Variants in PRKG1 observed in about 807,000 individuals in gnomAD.
PRKG1 encodes the protein protein kinase cGMP-dependent 1, also known as cGMP-dependent protein kinase 1.
PRKG1 carries 35 observed loss-of-function variants against 88.1 expected under a neutral mutation model. That is an observed-to-expected ratio of 0.40 (90% CI 0.30 to 0.53). The LOEUF (loss-of-function observed/expected upper bound fraction) is 0.53, where lower values mean the gene tolerates loss of function less well. Ranked by LOEUF, PRKG1 falls within the 20% of genes least tolerant of loss-of-function variation. The pLI, the probability that PRKG1 is intolerant of heterozygous loss-of-function variation, is 0.59. For synonymous variants in PRKG1, 303 were observed against 292.5 expected (o/e 1.04, Z -0.37); for missense variants, 540 against 839.8 (o/e 0.64, Z 4.41).
chr10:51,624,967 A>T (rs1172667047), intron 3 of PRKG1, among the ~76,000 whole-genome samples: 2 of 152,196 alleles, frequency 1.3e-5, no homozygotes, highest in Non-Finnish European at 2.9e-5. Flanking sequence ...AGAAGATAAG[A>T]AGAACAAGTT....
chr10:51,429,954 T>C (rs1302284509), intron 2 of PRKG1, among the ~76,000 whole-genome samples: 8 of 151,998 alleles, frequency 5.3e-5, no homozygotes, highest in African/African-American at 1.7e-4. Flanking sequence ...GAAAAAAAGT[T>C]TGAACTAAAT....
chr10:52,160,116 A>G (rs981237634), intron 8 of PRKG1, among the ~76,000 whole-genome samples: 1 of 151,940 alleles, frequency 6.6e-6, no homozygotes, highest in Non-Finnish European at 1.5e-5. Flanking sequence ...GCCAGATATT[A>G]TCTATTTATA....
At chr10:51,873,103 G>A (rs905194275) in intron 4 of PRKG1, among the ~76,000 whole-genome samples, 1 of 152,018 alleles carries the variant, frequency 6.6e-6, no homozygotes, top group Non-Finnish European at 1.5e-5. Context: ...TAATTCTTCA[G>A]TATTAAGGAT....
chr10:51,791,118 T>G (rs1419405282), intron 3 of PRKG1, among the ~76,000 whole-genome samples: 1 of 152,196 alleles, frequency 6.6e-6, no homozygotes, highest in Non-Finnish European at 1.5e-5. Context: ...TCTGGTCGAT[T>G]CATTCAAATT....
At chr10:52,117,901 G>C (rs1477309480) in intron 7 of PRKG1, among the ~76,000 whole-genome samples, 1 of 151,176 alleles carries the variant, frequency 6.6e-6, no homozygotes, top group African/African-American at 2.4e-5. Context: ...TACATATAGG[G>C]GTTTTTTAGT....
chr10:51,256,996 A>G (rs74848783), intron 2 of PRKG1, among the ~76,000 whole-genome samples: 1,664 of 152,212 alleles, frequency 0.011, 34 homozygotes, highest in African/African-American at 0.037. Context: ...TTCAAAATTA[A>G]AATTAAAAAA....
chr10:51,929,346 C>CTTT lies in PRKG1; in HGVS notation c.762+21796_762+21798dup, dbSNP rs67175480. Among the ~76,000 whole-genome samples the CTTT allele has an allele frequency of 2.0e-3, 223 of 109,660 alleles. 1 individual carries two copies. Among genetic ancestry groups the CTTT allele is most frequent in the Middle Eastern group, 5.2e-3 (1 of 192 alleles). The allele number at this position is 109,660 out of a possible 152,430, so 71.9% of individuals were successfully genotyped here. A position where few individuals can be genotyped will look rare whatever the true frequency, so the allele number is the denominator to read the frequency against. On this transcript the variant is annotated intron_variant, in intron 5 of 17. Coordinates refer to ENST00000373980, the MANE Select transcript of PRKG1 (RefSeq NM_006258.4). The stretch of plus-strand genomic sequence containing the variant: ...GCCTGACCAACATCTGAATTCCTTC[C>CTTT]TTTTTTTTTTTTTTTTTTTTTTGAG...
chr10:52,267,035 C>T lies in PRKG1; in HGVS notation c.1174-4315C>T, dbSNP rs1029563766. Among the ~76,000 whole-genome samples the T allele has an allele frequency of 4.1e-5, 5 of 121,296 alleles. No individual in the cohort carries two copies. In the East Asian group the frequency reaches 1.5e-3, roughly 35 times the overall value. The allele number at this position is 121,296 out of a possible 152,430, so 79.6% of individuals were successfully genotyped here. A position where few individuals can be genotyped will look rare whatever the true frequency, so the allele number is the denominator to read the frequency against. ...TAATTTCATAGCTCTAACCAACTTGCTAAAAAATCATCATCATCATCATCA... is the reference window on the plus strand; with the variant it reads ...TAATTTCATAGCTCTAACCAACTTGTTAAAAAATCATCATCATCATCATCA... On this transcript the variant is annotated intron_variant, in intron 10 of 17. Transcript: ENST00000373980.
intron 2 of PRKG1, among the ~76,000 whole-genome samples, chr10:51,378,826 T>C (rs1025827971): frequency 6.6e-6 from 1 of 152,178 alleles, no homozygotes; most frequent in Non-Finnish European, 1.5e-5. Flanking sequence ...AAAGAATTCA[T>C]ATTAGACATT....
intron 3 of PRKG1, among the ~76,000 whole-genome samples, chr10:51,615,828 G>T (rs1010576479): frequency 1.3e-5 from 2 of 151,562 alleles, no homozygotes; most frequent in African/African-American, 4.9e-5. Flanking sequence ...ATTTGTTTTC[G>T]ATTGAGATCT....
At chr10:51,732,835 T>C (rs1227939512) in intron 3 of PRKG1, among the ~76,000 whole-genome samples, 1 of 152,088 alleles carries the variant, frequency 6.6e-6, no homozygotes, top group African/African-American at 2.4e-5. Flanking sequence ...AGATGGGAGA[T>C]GTCTTATTCA....
intron 3 of PRKG1, among the ~76,000 whole-genome samples, chr10:51,711,277 T>C (rs1214506342): frequency 6.6e-6 from 1 of 152,078 alleles, no homozygotes; most frequent in African/African-American, 2.4e-5. Flanking sequence ...GGCTAATTTT[T>C]TGTATTTTTA....
chr10:51,784,520 G>A (rs1219934820), intron 3 of PRKG1, among the ~76,000 whole-genome samples: 6 of 152,046 alleles, frequency 3.9e-5, no homozygotes, highest in African/African-American at 1.4e-4. Context: ...ACATTTCTAA[G>A]GAAACCAGAA....
chr10:52,231,431 G>A (rs1010211478), intron 9 of PRKG1: 4 of 151,994 alleles, frequency 2.6e-5, no homozygotes, highest in Admixed American at 2.0e-4. Flanking sequence ...GAGAGAGAGA[G>A]AGAGAGAAAG....
chr10:51,093,144 G>T (rs1844438669), intron 1 of PRKG1, among the ~76,000 whole-genome samples: 1 of 152,120 alleles, frequency 6.6e-6, no homozygotes, highest in Non-Finnish European at 1.5e-5. Flanking sequence ...CAAAGTGTGA[G>T]CCCTGGACAA....
chr10:51,106,074 G>A (rs575816582), intron 1 of PRKG1, among the ~76,000 whole-genome samples: 3 of 152,272 alleles, frequency 2.0e-5, no homozygotes, highest in Non-Finnish European at 2.9e-5. Context: ...TTAGGTGAGC[G>A]CCCTAGAATC....
intron 5 of PRKG1, among the ~76,000 whole-genome samples, chr10:51,949,126 A>G (rs971061369): frequency 7.2e-5 from 11 of 152,190 alleles, no homozygotes; most frequent in Admixed American, 4.6e-4. Context: ...TTCCACCCTC[A>G]TGAAGCCTAC....
rs140111855 is a variant in PRKG1 at position 51,406,323 on chromosome 10, C to T, written c.479-61400C>T. Among the ~76,000 whole-genome samples the T allele has an allele frequency of 5.9e-5, 9 of 152,246 alleles. No homozygotes were observed. The East Asian group carries it at 7.7e-4, about 13-fold the overall frequency. On this transcript the variant is annotated intron_variant, in intron 2 of 17. Coordinates refer to ENST00000373980, the MANE Select transcript of PRKG1 (RefSeq NM_006258.4). ...CAGGTGCAGAGGAAATGAGTAGATC[C>T]GCTAAGATTTCAAACTCTTTTTTTC...
intron 4 of PRKG1, among the ~76,000 whole-genome samples, chr10:51,808,389 G>A (rs1839363065): frequency 6.6e-6 from 1 of 152,064 alleles, no homozygotes; most frequent in African/African-American, 2.4e-5. Context: ...TTGAGCTCAG[G>A]AGTTTGAAAC....
Sources: allele counts gnomAD v4.1 joint callset (sites outside exome capture counted in the v4.1 genomes callset), GRCh38; gene constraint gnomAD v4.1.1; transcripts MANE v1.5; gene names NCBI Gene and HGNC (gene_info 2026-07-23, HGNC 2026-07-21).